AKT3: variants seen among roughly 807,000 people sequenced by gnomAD.
AKT3 encodes the protein RAC-gamma serine/threonine-protein kinase.
Under a neutral mutation model 65.3 loss-of-function variants are expected in AKT3, and 15 were observed. The ratio of observed to expected loss-of-function variants is 0.23; its 90% CI spans 0.15 to 0.35. The LOEUF (loss-of-function observed/expected upper bound fraction) is 0.35. AKT3 is among the 10% of genes least tolerant of loss of function. The probability of loss-of-function intolerance (pLI) is 1.00; values close to 1 mark genes in which losing one functional copy is unlikely to be tolerated. For missense variants in AKT3, 243 were observed against 576.5 expected (o/e 0.42, Z 5.92); for synonymous variants, 206 against 183.8 (o/e 1.12, Z -0.98).
At chr1:243,746,811 G>A (rs1206537165) in intron 2 of AKT3, among the ~76,000 whole-genome samples, 1 of 151,916 alleles carries the variant, frequency 6.6e-6, no homozygotes, top group Admixed American at 6.6e-5. Context: ...TGAATGAGAA[G>A]AAACAGAGGA....
chr1:243,576,128 C>A (rs1050517052), intron 8 of AKT3, among the ~76,000 whole-genome samples: 2 of 151,994 alleles, frequency 1.3e-5, no homozygotes, highest in African/African-American at 4.8e-5. Flanking sequence ...GAACTAAACA[C>A]AAAAACCACG....
intron 5 of AKT3, among the ~76,000 whole-genome samples, chr1:243,639,493 C>T (rs1680215751): frequency 6.6e-6 from 1 of 152,128 alleles, no homozygotes; most frequent in Non-Finnish European, 1.5e-5. Flanking sequence ...AGTCAAAACC[C>T]ACCAAAACCA....
chr1:243,699,465 CTATATATATATATATATA>C (rs58911364), intron 2 of AKT3, among the ~76,000 whole-genome samples: 4,684 of 103,560 alleles, frequency 0.045, 230 homozygotes, highest in Non-Finnish European at 0.051. Flanking sequence ...ACCTCTTCCA[CTATATATATATATATATA>C]TATATATATA....
intron 8 of AKT3, among the ~76,000 whole-genome samples, chr1:243,586,538 A>G (rs947001977): frequency 2.6e-5 from 4 of 152,194 alleles, no homozygotes; most frequent in Non-Finnish European, 5.9e-5. Context: ...ATGGAATACT[A>G]TGCAGTCGTA....
chr1:243,540,876 G>A (rs1672265762), intron 12 of AKT3, among the ~76,000 whole-genome samples: 1 of 152,126 alleles, frequency 6.6e-6, no homozygotes, highest in Non-Finnish European at 1.5e-5. Flanking sequence ...GTTTCCTCAT[G>A]ATTATACTGA....
intron 8 of AKT3, among the ~76,000 whole-genome samples, chr1:243,573,639 GCCC>G (rs1199663715): frequency 1.3e-5 from 2 of 152,016 alleles, no homozygotes; most frequent in African/African-American, 4.8e-5. Context: ...TTTTAGTAAT[GCCC>G]AAAATGAACT....
intron 9 of AKT3, among the ~76,000 whole-genome samples, chr1:243,564,638 G>A (rs1404356676): frequency 3.9e-5 from 6 of 151,974 alleles, no homozygotes; most frequent in Admixed American, 1.3e-4. Flanking sequence ...AGTTCCCCTC[G>A]AGCTAATTTG....
chr1:243,493,732 C>G (rs1008163141), intron 13 of AKT3, among the ~76,000 whole-genome samples: 5 of 152,074 alleles, frequency 3.3e-5, no homozygotes, highest in Admixed American at 6.5e-5. Context: ...TAAACTTGTG[C>G]ATGGATCCAG....
intron 8 of AKT3, among the ~76,000 whole-genome samples, chr1:243,574,059 A>T (rs1317186832): frequency 6.6e-6 from 1 of 152,166 alleles, no homozygotes; most frequent in Non-Finnish European, 1.5e-5. Context: ...TGTCTGTGAA[A>T]AAAATGAACC....
intron 13 of AKT3, among the ~76,000 whole-genome samples, chr1:243,490,528 CTG>C (rs1666146792): frequency 6.6e-6 from 1 of 152,362 alleles, no homozygotes; most frequent in African/African-American, 2.4e-5. Context: ...GGTTGTGTCA[CTG>C]TGCTGAATCC....
At chr1:243,571,982 T>C (rs944853916) in intron 9 of AKT3, among the ~76,000 whole-genome samples, 2 of 152,222 alleles carry the variant, frequency 1.3e-5, no homozygotes, top group African/African-American at 4.8e-5. Flanking sequence ...CTTCTGTTTC[T>C]ACCAATCATT....
chr1:243,746,094 A>AT (rs1302269713), intron 2 of AKT3, among the ~76,000 whole-genome samples: 4 of 152,212 alleles, frequency 2.6e-5, no homozygotes, highest in East Asian at 1.9e-4. Context: ...TCATTCGATG[A>AT]TTTTTTACTT....
intron 5 of AKT3, among the ~76,000 whole-genome samples, chr1:243,643,799 C>G (rs1000901199): frequency 6.6e-6 from 1 of 152,164 alleles, no homozygotes; most frequent in African/African-American, 2.4e-5. Context: ...GGAAATGTAT[C>G]CTATAAATTA....
chr1:243,617,667 A>G (rs1198042811), intron 6 of AKT3, among the ~76,000 whole-genome samples: 1 of 152,058 alleles, frequency 6.6e-6, no homozygotes, highest in Admixed American at 6.6e-5. Flanking sequence ...TAAGTTGGGT[A>G]TTGTGATGGT....
At chr1:243,693,661 A>ACT (rs1184468497) in intron 3 of AKT3, among the ~76,000 whole-genome samples, 2 of 152,104 alleles carry the variant, frequency 1.3e-5, no homozygotes, top group African/African-American at 4.8e-5. Flanking sequence ...AGGTCCTATT[A>ACT]CTTGCAGCTT....
At position 243,755,235 on chromosome 1, in the gene AKT3, ATTT is replaced by A. The variant is rs71983026; in HGVS notation, c.47-59522_47-59520del. Among the ~76,000 whole-genome samples, 517 of 136,742 alleles carry A rather than the reference ATTT, an allele frequency of 3.8e-3. 2 individuals are homozygous for A. The highest frequency in any genetic ancestry group is 6.7e-3 in the Admixed American group (92 of 13,754). The allele number at this position is 136,742 out of a possible 152,430, so 89.7% of individuals were successfully genotyped here. On this transcript the variant is annotated intron_variant, in intron 2 of 13. Transcript: ENST00000673466. ...AGGCGGGCGACACCACGCCTGGTTAATTTTTTTTTTTTTTTTTTTAGTAGAGAC... is the reference window on the plus strand; with the variant it reads ...AGGCGGGCGACACCACGCCTGGTTAATTTTTTTTTTTTTTTTAGTAGAGAC...
chr1:243,639,092 T>C (rs1680187853), intron 5 of AKT3, among the ~76,000 whole-genome samples: 1 of 152,134 alleles, frequency 6.6e-6, no homozygotes, highest in Non-Finnish European at 1.5e-5. Context: ...TAAGAGACTA[T>C]TATAAATGGC....
At chr1:243,712,950 G>A (rs1166387718) in intron 2 of AKT3, among the ~76,000 whole-genome samples, 1 of 152,118 alleles carries the variant, frequency 6.6e-6, no homozygotes, top group East Asian at 1.9e-4. Flanking sequence ...TGACAACCAT[G>A]AGAAAAAGAG....
intron 2 of AKT3, among the ~76,000 whole-genome samples, chr1:243,815,414 C>A (rs1198532555): frequency 6.6e-6 from 1 of 152,146 alleles, no homozygotes; most frequent in Non-Finnish European, 1.5e-5. Flanking sequence ...ATTTTTCTCA[C>A]TTTCCTTTAA....
Sources: allele counts gnomAD v4.1 joint callset (sites outside exome capture counted in the v4.1 genomes callset), GRCh38; gene constraint gnomAD v4.1.1; transcripts MANE v1.5; gene names NCBI Gene and HGNC (gene_info 2026-07-23, HGNC 2026-07-21).